RASA1: variants seen among roughly 807,000 people sequenced by gnomAD.
The protein encoded by RASA1 is RAS p21 protein activator 1.
A neutral mutation model predicts 132.2 loss-of-function variants in RASA1; 25 were observed. The ratio of observed to expected loss-of-function variants is 0.19; its 90% CI spans 0.14 to 0.26. RASA1 has a LOEUF of 0.26. Ranked by LOEUF, RASA1 falls within the 10% of genes least tolerant of loss-of-function variation. The probability of loss-of-function intolerance (pLI) is 1.00; values close to 1 mark genes in which losing one functional copy is unlikely to be tolerated. For missense variants in RASA1, 964 were observed against 1,299.2 expected (o/e 0.74, Z 3.97); for synonymous variants, 477 against 449.9 (o/e 1.06, Z -0.76).
At chr5:87,273,913 G>C (rs1393431360) in intron 1 of RASA1, among the ~76,000 whole-genome samples, 1 of 152,138 alleles carries the variant, frequency 6.6e-6, no homozygotes, top group African/African-American at 2.4e-5. Context: ...GGCCAGGCTG[G>C]TCTCGAACTC....
At chr5:87,345,017 G>GT (rs1758750781) in intron 6 of RASA1, among the ~76,000 whole-genome samples, 2 of 151,796 alleles carry the variant, frequency 1.3e-5, no homozygotes, top group African/African-American at 2.4e-5. Flanking sequence ...TTTCTACATT[G>GT]TTTCTATAGT....
intron 1 of RASA1, among the ~76,000 whole-genome samples, chr5:87,280,913 G>T (rs919472058): frequency 6.6e-6 from 1 of 150,886 alleles, no homozygotes; most frequent in Non-Finnish European, 1.5e-5. Flanking sequence ...CTGCCACCAC[G>T]CCTGGCTAAT....
At chr5:87,329,578 G>A (rs1034338515) in intron 1 of RASA1, among the ~76,000 whole-genome samples, 2 of 152,088 alleles carry the variant, frequency 1.3e-5, no homozygotes, top group South Asian at 2.1e-4. Flanking sequence ...TCAATGGTAA[G>A]TTCAAAAGAT....
intron 1 of RASA1, among the ~76,000 whole-genome samples, chr5:87,330,250 G>A (rs1452525854): frequency 6.6e-6 from 1 of 151,726 alleles, no homozygotes; most frequent in Admixed American, 6.6e-5. Context: ...AAAAATAATG[G>A]GCTTTTATTA....
chr5:87,363,289 TA>T, intron 10 of RASA1, 58 bp from the exon 11 acceptor site: 1 of 1,396,828 alleles, frequency 7.2e-7, no homozygotes, highest in East Asian at 2.3e-5. Context: ...CTAATTTTAA[TA>T]ATATGTAGGA....
At chr5:87,375,494 C>A (rs1761264510) in intron 15 of RASA1, among the ~76,000 whole-genome samples, 1 of 152,180 alleles carries the variant, frequency 6.6e-6, no homozygotes. Context: ...CTCCTGACCT[C>A]AGGTGATCTG....
chr5:87,389,647 C>A, intron 24 of RASA1, 120 bp downstream of exon 24: 9 of 1,291,090 alleles, frequency 7.0e-6, no homozygotes, highest in Admixed American at 1.8e-5. Context: ...TGAGACTCTG[C>A]ATCATATTAC....
At chr5:87,269,208 G>C in intron 1 of RASA1, 1 of 1,583,882 alleles carries the variant, frequency 6.3e-7, no homozygotes, top group Non-Finnish European at 8.6e-7. Context: ...CTGGGAAAGT[G>C]TAAAGTCTTT....
rs1762495282 is a variant in RASA1, at chr5:87,391,271, AAC to A, written c.*392_*393del. On this transcript the variant is annotated 3_prime_UTR_variant, in exon 25 of 25. Transcript: ENST00000274376. ...AGAACTATGAAATCAACTGACAAGA[AAC>A]ACATTCTTATTGACAATTGTGTATA... 1 of 383,054 alleles carries A rather than the reference AAC, an allele frequency of 2.6e-6. No homozygotes were observed. The highest frequency in any genetic ancestry group is 2.0e-5 in the African/African-American group (1 of 50,284). 23.7% of individuals were successfully genotyped at this position (383,054 alleles called of 1,614,324 possible).
chr5:87,376,114 G>A (rs1761308434), intron 15 of RASA1: 1 of 468,004 alleles, frequency 2.1e-6, no homozygotes, highest in Admixed American at 3.4e-5. Flanking sequence ...TACCAGTGCT[G>A]AAACATAATT....
intron 11 of RASA1, among the ~76,000 whole-genome samples, chr5:87,365,572 CAT>C (rs1760453298): frequency 6.6e-6 from 1 of 151,928 alleles, no homozygotes; most frequent in African/African-American, 2.4e-5. Flanking sequence ...TTGAAAAGAA[CAT>C]AATGAATTTG....
intron 1 of RASA1, among the ~76,000 whole-genome samples, chr5:87,303,301 T>C (rs1031728061): frequency 5.9e-5 from 9 of 152,190 alleles, no homozygotes; most frequent in African/African-American, 2.2e-4. Flanking sequence ...TCATTTTTTT[T>C]CCTGAAGTCT....
intron 1 of RASA1, among the ~76,000 whole-genome samples, chr5:87,322,800 A>C (rs1756926323): frequency 6.6e-6 from 1 of 152,236 alleles, no homozygotes; most frequent in Admixed American, 6.5e-5. Context: ...TAGATATATA[A>C]ACACAACCAC....
In RASA1 at chr5:87,374,891, A is replaced by G. The variant is rs1580382405; in HGVS notation, c.1986A>G (p.Thr662=). The stretch of plus-strand genomic sequence containing the variant: ...TTGAAATAACTCTTAGTAATAAAAC[A>G]AAGAAAAGCAAAGATCCTGATATCT... ...NRFEITLSNK[T]KKSKDPDILF... The change falls in exon 15 of 25, where the codon ACA becomes ACG. Residue 662 remains threonine (T), a synonymous_variant. Transcript: ENST00000274376. The G allele has an allele frequency of 3.1e-6, 5 of 1,608,454 alleles. No individual in the cohort carries two copies. The East Asian group carries it at 1.1e-4, about 36-fold the overall frequency.
intron 10 of RASA1, 26 bp from the exon 11 acceptor site, chr5:87,363,322 A>G (rs1454733224): frequency 2.4e-5 from 37 of 1,568,766 alleles, no homozygotes; most frequent in Non-Finnish European, 2.9e-5. Flanking sequence ...TTTGGCTAAG[A>G]GAAAACAATT....
intron 1 of RASA1, among the ~76,000 whole-genome samples, chr5:87,320,190 T>A (rs1447168810): frequency 6.6e-6 from 1 of 152,178 alleles, no homozygotes; most frequent in African/African-American, 2.4e-5. Flanking sequence ...AGCATTTTGG[T>A]TACAATTATT....
chr5:87,268,984 C>T lies in RASA1; in HGVS notation c.533C>T (p.Thr178Ile). ...GCCATACCGTTGACCGCTCCTCCAA[C>T]TAACCAGTAAGTTAAGACTGCTGTT... ...EVAIPLTAPP[T>I]NQWYHGKLDR... The change falls in exon 1 of 25, where the codon ACT becomes ATT. Residue 178 changes from threonine to isoleucine, a missense_variant. By Grantham distance (89) the Thr-to-Ile change is moderately conservative. Coordinates refer to ENST00000274376, the MANE Select transcript of RASA1 (RefSeq NM_002890.3). 6.2e-7 allele frequency: 1 copy of T among 1,614,232 alleles called. No homozygotes were observed. Among genetic ancestry groups the T allele is most frequent in the South Asian group, 1.1e-5 (1 of 91,084 alleles).
chr5:87,268,619 A>C lies in RASA1; in HGVS notation c.168A>C (p.Gly56=). 1 of 1,611,820 alleles carries C rather than the reference A, an allele frequency of 6.2e-7. No homozygotes were observed. Among genetic ancestry groups the C allele is most frequent in the Non-Finnish European group, 8.5e-7 (1 of 1,179,462 alleles). The change falls in exon 1 of 25, where the codon GGA becomes GGC. Residue 56 remains glycine, a synonymous_variant. Transcript: ENST00000274376. ...AAPYPGLVET[G]VAGTLGGGAA... ...CCTATCCTGGGCTGGTGGAGACCGG[A>C]GTGGCTGGAACTCTGGGTGGCGGAG...
At chr5:87,328,455 T>C (rs1757391674) in intron 1 of RASA1, among the ~76,000 whole-genome samples, 1 of 152,228 alleles carries the variant, frequency 6.6e-6, no homozygotes, top group Non-Finnish European at 1.5e-5. Flanking sequence ...TTCTTTGTAA[T>C]TTTATTGCTG....
Sources: gnomAD v4.1 joint callset for allele counts (sites outside exome capture counted in the v4.1 genomes callset) on GRCh38, gnomAD v4.1.1 for gene constraint, MANE v1.5 for transcripts, NCBI Gene and HGNC (gene_info 2026-07-23, HGNC 2026-07-21) for gene names.